RBFOX1: variants seen among roughly 807,000 people sequenced by gnomAD.
The protein encoded by RBFOX1 is RNA binding fox-1 homolog 1, also known as RNA binding protein fox-1 homolog 1.
Under a neutral mutation model 57.7 loss-of-function variants are expected in RBFOX1, and 8 were observed. The observed-to-expected ratio is 0.14, with a 90% CI of 0.08 to 0.25. The LOEUF is 0.25. Ranked by LOEUF, RBFOX1 falls within the 10% of genes least tolerant of loss-of-function variation. RBFOX1 has a pLI of 1.00. For missense variants in RBFOX1, 611 were observed against 548.5 expected (o/e 1.11, Z -1.14); for synonymous variants, 326 against 222.4 (o/e 1.47, Z -4.15).
intron 4 of RBFOX1, among the ~76,000 whole-genome samples, chr16:5,971,660 C>G (rs973536381): frequency 6.6e-6 from 1 of 152,088 alleles, no homozygotes; most frequent in Non-Finnish European, 1.5e-5. Flanking sequence ...GATAATGATG[C>G]CTTCCCTAGG....
intron 3 of RBFOX1, among the ~76,000 whole-genome samples, chr16:6,998,445 G>A (rs1471605967): frequency 6.6e-6 from 1 of 152,134 alleles, no homozygotes; most frequent in East Asian, 1.9e-4. Context: ...TGGGGATGGG[G>A]GCAGTTGTGT....
chr16:6,084,828 C>A (rs1443992973), intron 1 of RBFOX1, among the ~76,000 whole-genome samples: 1 of 152,010 alleles, frequency 6.6e-6, no homozygotes, highest in Non-Finnish European at 1.5e-5. Context: ...GAGTCTGAGA[C>A]CCTGAGTGAT....
intron 4 of RBFOX1, among the ~76,000 whole-genome samples, chr16:5,878,772 G>T (rs2151914171): frequency 6.6e-6 from 1 of 152,244 alleles, no homozygotes; most frequent in East Asian, 1.9e-4. Context: ...AAATGGTGTG[G>T]TGTTTAGATC....
chr16:6,697,323 G>A (rs1173488262), intron 3 of RBFOX1, among the ~76,000 whole-genome samples: 2 of 152,084 alleles, frequency 1.3e-5, no homozygotes, highest in Non-Finnish European at 2.9e-5. Flanking sequence ...CACTAAGCTT[G>A]CCAGAGGAAG....
rs370758885 is a variant in RBFOX1, at chr16:6,487,851, C to A, written c.-63-166752C>A. On this transcript the variant is annotated intron_variant, in intron 2 of 15. Transcript: ENST00000550418. ...TTCATGTTTATCTAATGAGCCAAATCTCTCCCTGTTATTTAAAATGGTCCT... is the reference window on the plus strand; with the variant it reads ...TTCATGTTTATCTAATGAGCCAAATATCTCCCTGTTATTTAAAATGGTCCT... 6.0e-5 allele frequency among the ~76,000 whole-genome samples: 9 copies of A among 150,730 alleles called. No individual in the cohort carries two copies. In the East Asian group the frequency reaches 1.4e-3, roughly 23 times the overall value.
chr16:5,828,480 G>A (rs1377920823), intron 3 of RBFOX1, among the ~76,000 whole-genome samples: 1 of 152,054 alleles, frequency 6.6e-6, no homozygotes, highest in Non-Finnish European at 1.5e-5. Context: ...TGGGCGGATC[G>A]CGAGGTCAAT....
chr16:7,419,293 C>A (rs1030331743), intron 4 of RBFOX1, among the ~76,000 whole-genome samples: 5 of 152,112 alleles, frequency 3.3e-5, no homozygotes, highest in African/African-American at 4.8e-5. Context: ...CCTCTTCAAT[C>A]ATTGCAACAG....
At chr16:6,535,094 A>T (rs986573799) in intron 2 of RBFOX1, among the ~76,000 whole-genome samples, 1 of 152,162 alleles carries the variant, frequency 6.6e-6, no homozygotes. Flanking sequence ...TTGGGATGAG[A>T]TTCCATGGGA....
chr16:5,690,961 T>G (rs138811669), intron 3 of RBFOX1, among the ~76,000 whole-genome samples: 2 of 152,242 alleles, frequency 1.3e-5, no homozygotes, highest in Non-Finnish European at 1.5e-5. Flanking sequence ...GCCCCATATT[T>G]CCCAAGAAGG....
At chr16:7,584,698 G>C (rs575330921) in intron 6 of RBFOX1, among the ~76,000 whole-genome samples, 1 of 152,190 alleles carries the variant, frequency 6.6e-6, no homozygotes, top group Non-Finnish European at 1.5e-5. Context: ...TTATGTCTGC[G>C]AATGAGTCGT....
At chr16:5,964,561 G>A (rs938117962) in intron 4 of RBFOX1, among the ~76,000 whole-genome samples, 20 of 151,970 alleles carry the variant, frequency 1.3e-4, no homozygotes, top group Admixed American at 3.9e-4. Context: ...ATGTATATGT[G>A]TATATATGTA....
At chr16:5,573,254 G>T (rs1252892942) in intron 2 of RBFOX1, among the ~76,000 whole-genome samples, 1 of 152,170 alleles carries the variant, frequency 6.6e-6, no homozygotes, top group African/African-American at 2.4e-5. Flanking sequence ...ACGTTTCATT[G>T]GCTGCTGGTG....
chr16:6,883,523 A>G (rs2063368629), intron 3 of RBFOX1, among the ~76,000 whole-genome samples: 1 of 152,250 alleles, frequency 6.6e-6, no homozygotes, highest in Non-Finnish European at 1.5e-5. Context: ...TGTTGTGTAA[A>G]GGGATCTTCC....
chr16:5,992,403 C>G (rs377408148), intron 4 of RBFOX1, among the ~76,000 whole-genome samples: 3 of 152,286 alleles, frequency 2.0e-5, no homozygotes, highest in South Asian at 2.1e-4. Flanking sequence ...ATGGGTAACC[C>G]TTTCTTAGCC....
chr16:7,319,115 C>G (rs563425198), intron 4 of RBFOX1, among the ~76,000 whole-genome samples: 1 of 152,108 alleles, frequency 6.6e-6, no homozygotes, highest in African/African-American at 2.4e-5. Flanking sequence ...CTTCAGTTCC[C>G]TTTTGTCCCT....
chr16:7,298,288 T>G (rs1005218080), intron 4 of RBFOX1, among the ~76,000 whole-genome samples: 5 of 130,798 alleles, frequency 3.8e-5, no homozygotes, highest in East Asian at 2.1e-4. Context: ...TTTTTTTGTT[T>G]TTTTTTTTTT....
At chr16:6,120,370 C>T (rs2096540056) in intron 1 of RBFOX1, among the ~76,000 whole-genome samples, 1 of 152,172 alleles carries the variant, frequency 6.6e-6, no homozygotes, top group African/African-American at 2.4e-5. Context: ...CCCACAGCAG[C>T]CACCCCATTT....
intron 1 of RBFOX1, among the ~76,000 whole-genome samples, chr16:5,263,512 C>T (rs993225348): frequency 5.3e-5 from 8 of 152,054 alleles, no homozygotes; most frequent in East Asian, 1.9e-4. Flanking sequence ...ATGTGTTAAA[C>T]GCCTGGCACA....
intron 1 of RBFOX1, among the ~76,000 whole-genome samples, chr16:6,111,201 C>T (rs1000299436): frequency 2.0e-5 from 3 of 152,184 alleles, no homozygotes; most frequent in Non-Finnish European, 4.4e-5. Context: ...ACGCCACATA[C>T]ACTGACTTGC....
Sources: gnomAD v4.1 joint callset for allele counts (sites outside exome capture counted in the v4.1 genomes callset) on GRCh38, gnomAD v4.1.1 for gene constraint, MANE v1.5 for transcripts, NCBI Gene and HGNC (gene_info 2026-07-23, HGNC 2026-07-21) for gene names.